The following KASH5 variants were observed in gnomAD, a reference collection of about 807,000 sequenced individuals.
KASH5 encodes the protein protein KASH5.
In KASH5, 72 loss-of-function variants were observed where a neutral mutation model predicts 84.2. That is an observed-to-expected ratio of 0.85 (90% CI 0.71 to 1.04). The LOEUF is 1.04. KASH5 is among the 50% of genes least tolerant of loss of function. The pLI is 0.00. For missense variants in KASH5, 650 were observed against 701.0 expected (o/e 0.93, Z 0.82); for synonymous variants, 260 against 279.1 (o/e 0.93, Z 0.68).
chr19:49,412,730 C>T lies in KASH5; in HGVS notation c.1270-238C>T, dbSNP rs1415181941. On this transcript the variant is annotated intron_variant, in intron 15 of 19. Coordinates refer to ENST00000447857, the MANE Select transcript of KASH5 (RefSeq NM_144688.5). This position sits in a 1 kb window ranked among gnomAD's most constrained non-coding sequence, Gnocchi z 4.6. Reference sequence around the variant, plus strand: ...GTCAGGGAAGGGGGCTTGGTGGCATCGAGAACAACCCTTTGGTTTTTGGCT... The same window carrying T: ...GTCAGGGAAGGGGGCTTGGTGGCATTGAGAACAACCCTTTGGTTTTTGGCT... Among the ~76,000 whole-genome samples the T allele has an allele frequency of 1.3e-5, 2 of 152,122 alleles. No homozygotes were observed. The highest frequency in any genetic ancestry group is 6.5e-5 in the Admixed American group (1 of 15,272).
Position 49,395,033 on chromosome 19 carries a change from C to A in KASH5, c.149-73C>A. ...CCAGCCTAGCCAGTGACATCCTGGT[C>A]CCAAGCTGCTGCCAGTCCATACCCA... is the stretch of plus-strand genomic sequence containing the variant. On this transcript the variant is annotated intron_variant, in intron 3 of 19. Coordinates refer to ENST00000447857, the MANE Select transcript of KASH5 (RefSeq NM_144688.5). This position sits in a 1 kb window ranked among gnomAD's most constrained non-coding sequence, Gnocchi z 4.4. The A allele has an allele frequency of 1.6e-6, 2 of 1,233,332 alleles. No individual in the cohort carries two copies. Among genetic ancestry groups the A allele is most frequent in the South Asian group, 3.0e-5 (2 of 66,686 alleles). The allele number at this position is 1,233,332 out of a possible 1,614,324, so 76.4% of individuals were successfully genotyped here. A position where few individuals can be genotyped will look rare whatever the true frequency, so the allele number is the denominator to read the frequency against.
chr19:49,402,889 T>G (rs906903714), intron 9 of KASH5, among the ~76,000 whole-genome samples: 6 of 147,592 alleles, frequency 4.1e-5, no homozygotes, highest in Non-Finnish European at 7.4e-5. Context: ...CGACATTCAT[T>G]TCCTTAACCA....
At chr19:49,398,758 G>A (rs965602501) in intron 7 of KASH5, among the ~76,000 whole-genome samples, 10 of 151,884 alleles carry the variant, frequency 6.6e-5, no homozygotes, top group Admixed American at 3.3e-4. Flanking sequence ...CATGTTTATC[G>A]TGGTCTCCCT....
At chr19:49,406,578 T>C (rs1162757208) in intron 9 of KASH5, among the ~76,000 whole-genome samples, 2 of 152,150 alleles carry the variant, frequency 1.3e-5, no homozygotes, top group African/African-American at 2.4e-5. Context: ...GGTTTCACCA[T>C]GTTGGCCAGG....
At chr19:49,400,225 CAAAA>C in intron 9 of KASH5, among the ~76,000 whole-genome samples, 1 of 81,266 alleles carries the variant, frequency 1.2e-5, no homozygotes, top group South Asian at 4.4e-4. Context: ...GAGAGCCTCT[CAAAA>C]AAAAAAAAAA....
intron 15 of KASH5, among the ~76,000 whole-genome samples, chr19:49,411,171 C>T (rs1974697648): frequency 6.6e-6 from 1 of 151,390 alleles, no homozygotes; most frequent in Non-Finnish European, 1.5e-5. Context: ...CTCCTGGGGT[C>T]AAGTGATCCG....
intron 14 of KASH5, 23 bp downstream of exon 14, chr19:49,409,306 A>G (rs1353540640): frequency 6.2e-7 from 1 of 1,609,478 alleles, no homozygotes; most frequent in African/African-American, 1.3e-5. Flanking sequence ...CCCCTGGAAT[A>G]AGCTGCAGGC....
intron 11 of KASH5, 25 bp from the exon 12 acceptor site, chr19:49,407,587 C>G (rs1568619573): frequency 1.3e-6 from 2 of 1,570,778 alleles, no homozygotes; most frequent in Admixed American, 3.7e-5. Flanking sequence ...TGGTCCCAGT[C>G]TCATTTGGCT....
At chr19:49,407,011 AT>A in intron 10 of KASH5, 48 bp downstream of exon 10, 5 of 1,530,262 alleles carry the variant, frequency 3.3e-6, no homozygotes, top group Non-Finnish European at 4.4e-6. Flanking sequence ...CCCCGGGGCC[AT>A]TTTTCCCATT....
Position 49,399,027 on chromosome 19 carries a change from C to G in KASH5, c.632C>G (p.Thr211Ser), listed in dbSNP as rs1391885743. ...CATCTGCCCCCACCCGCATTCAGCA[C>G]CCAGCAGGCCCTGCAGTTTGCCAAG... ...ILALRKQLHS[T>S]QQALQFAKAM... is the part of the protein sequence containing the mutation. Residue 211 changes from threonine to serine, a missense_variant and splice_region_variant, in exon 8 of 20, where the codon ACC becomes AGC. Coordinates refer to ENST00000447857, the MANE Select transcript of KASH5 (RefSeq NM_144688.5). The surrounding 1 kb of genome is among the most constrained non-coding windows in gnomAD (Gnocchi z 4.4). 2 of 1,551,380 alleles carry G rather than the reference C, an allele frequency of 1.3e-6. No individual in the cohort carries two copies. Among genetic ancestry groups the G allele is most frequent in the Non-Finnish European group, 1.7e-6 (2 of 1,146,836 alleles).
At chr19:49,398,923 C>A in intron 7 of KASH5, 102 bp from the exon 8 acceptor site, 1 of 879,172 alleles carries the variant, frequency 1.1e-6, no homozygotes, top group Non-Finnish European at 1.8e-6. Flanking sequence ...TGCCTACCAC[C>A]TGGGATCTCT....
chr19:49,403,530 AC>A (rs985492452), intron 9 of KASH5, among the ~76,000 whole-genome samples: 15 of 152,186 alleles, frequency 9.9e-5, no homozygotes, highest in African/African-American at 3.4e-4. Context: ...AGAATATGTG[AC>A]CTTTTTCAGC....
intron 15 of KASH5, among the ~76,000 whole-genome samples, chr19:49,411,248 T>G (rs1166065542): frequency 1.3e-5 from 2 of 148,976 alleles, no homozygotes; most frequent in Non-Finnish European, 1.5e-5. Context: ...CTCTCTCTAT[T>G]TTTTTTTTTT....
Position 49,416,415 on chromosome 19 carries a change from T to C in KASH5, c.1375-600T>C, listed in dbSNP as rs1477000240. 3.3e-5 allele frequency among the ~76,000 whole-genome samples: 5 copies of C among 152,212 alleles called. No individual in the cohort carries two copies. Among genetic ancestry groups the C allele is most frequent in the African/African-American group, 1.2e-4 (5 of 41,446 alleles). On this transcript the variant is annotated intron_variant, in intron 17 of 19. Coordinates refer to ENST00000447857, the MANE Select transcript of KASH5 (RefSeq NM_144688.5). This position sits in a 1 kb window ranked among gnomAD's most constrained non-coding sequence, Gnocchi z 5.4. ...GCCATGTTGGCCAGGTTGGTCTCCA[T>C]GTCCTGACCTTGTGATCCGCCCGCT...
rs569781998 is a variant in KASH5 at position 49,396,482 on chromosome 19, G to A, written c.400+649G>A. Among the ~76,000 whole-genome samples, 12 of 152,202 alleles carry A rather than the reference G, an allele frequency of 7.9e-5. No individual in the cohort carries two copies. In the South Asian group the frequency reaches 2.1e-3, roughly 26 times the overall value. On this transcript the variant is annotated intron_variant, in intron 5 of 19. Transcript: ENST00000447857. Reference sequence around the variant, plus strand: ...TTGGTCAGGCTGGTCTCGAACTCCCGACCTCAGGTGATCCAACTGCCTTGG... The same window carrying A: ...TTGGTCAGGCTGGTCTCGAACTCCCAACCTCAGGTGATCCAACTGCCTTGG...
intron 9 of KASH5, among the ~76,000 whole-genome samples, chr19:49,406,667 G>A (rs908604977): frequency 3.3e-5 from 5 of 152,178 alleles, no homozygotes; most frequent in South Asian, 2.1e-4. Flanking sequence ...GAGCCACTGC[G>A]CGTGGCCTAG....
rs1005699748 is a variant in KASH5, at chr19:49,417,178, C to A, written c.1459C>A (p.Gln487Lys). The A allele has an allele frequency of 6.2e-7, 1 of 1,613,718 alleles. No individual in the cohort carries two copies. The highest frequency in any genetic ancestry group is 8.5e-7 in the Non-Finnish European group (1 of 1,179,846). The stretch of plus-strand genomic sequence containing the variant: ...CAGCAGACCTGCGCGGCGGGAACTC[C>A]AGCAAGCCCTGGTGCCTGTGATGAA... The part of the protein sequence containing the change: ...PPERPARREL[Q>K]QALVPVMKKL... The change falls in exon 19 of 20, where the codon CAG becomes AAG. Residue 487 changes from glutamine to lysine, a missense_variant. Coordinates refer to ENST00000447857, the MANE Select transcript of KASH5 (RefSeq NM_144688.5). The surrounding 1 kb of genome is among the most constrained non-coding windows in gnomAD (Gnocchi z 5.2).
chr19:49,394,236 T>C (rs938045349), intron 2 of KASH5, among the ~76,000 whole-genome samples: 3 of 152,014 alleles, frequency 2.0e-5, no homozygotes, highest in Admixed American at 6.5e-5. Context: ...CCTAAGCCAA[T>C]TGGACACAAA....
At position 49,395,365 on chromosome 19, in the gene KASH5, C is replaced by T. The variant is rs1157904941; in HGVS notation, c.335+73C>T. 2.0e-6 allele frequency: 3 copies of T among 1,504,358 alleles called. No individual in the cohort carries two copies. The Admixed American group carries it at 6.0e-5, about 30-fold the overall frequency. The allele number at this position is 1,504,358 out of a possible 1,614,324, so 93.2% of individuals were successfully genotyped here. A position where few individuals can be genotyped will look rare whatever the true frequency, so the allele number is the denominator to read the frequency against. Reference sequence around the variant, plus strand: ...CTAACCTCATACCTGCTTACTGGAGCCAGCATCCTTTAGGCCCAAGGACCT... The same window carrying T: ...CTAACCTCATACCTGCTTACTGGAGTCAGCATCCTTTAGGCCCAAGGACCT... On this transcript the variant is annotated intron_variant, in intron 4 of 19. Coordinates refer to ENST00000447857, the MANE Select transcript of KASH5 (RefSeq NM_144688.5). The surrounding 1 kb of genome is among the most constrained non-coding windows in gnomAD (Gnocchi z 4.4).
Sources: allele counts gnomAD v4.1 joint callset (sites outside exome capture counted in the v4.1 genomes callset), GRCh38; gene constraint gnomAD v4.1.1; non-coding constraint Gnocchi (gnomAD v3.1); transcripts MANE v1.5; gene names NCBI Gene and HGNC (gene_info 2026-07-23, HGNC 2026-07-21).